The following RNF130 variants were observed in gnomAD, a reference collection of about 807,000 sequenced individuals.
RNF130 encodes the protein E3 ubiquitin-protein ligase RNF130.
In RNF130, 21 loss-of-function variants were observed where a neutral mutation model predicts 44.6. That is an observed-to-expected ratio of 0.47 (90% CI 0.33 to 0.68). The LOEUF is 0.68. RNF130 is among the 30% of genes least tolerant of loss of function. The pLI is 0.02. For missense variants in RNF130, 479 were observed against 560.6 expected (o/e 0.85, Z 1.47); for synonymous variants, 214 against 210.4 (o/e 1.02, Z -0.15).
intron 6 of RNF130, among the ~76,000 whole-genome samples, chr5:179,969,707 T>C (rs1582150349): frequency 6.6e-6 from 1 of 150,934 alleles, no homozygotes; most frequent in Middle Eastern, 3.4e-3. Context: ...CATAAAAAAG[T>C]GGCCAGGCAC....
intron 7 of RNF130, among the ~76,000 whole-genome samples, chr5:179,937,931 TGTGAGAGAGAGA>T (rs1561662752): frequency 1.5e-5 from 2 of 131,110 alleles, no homozygotes; most frequent in African/African-American, 3.1e-5. Context: ...TGTGTGTGTG[TGTGAGAGAGAGA>T]GAGAGAGAGA....
intron 3 of RNF130, among the ~76,000 whole-genome samples, chr5:179,988,345 C>A (rs1475787195): frequency 6.6e-6 from 1 of 152,120 alleles, no homozygotes; most frequent in Non-Finnish European, 1.5e-5. Flanking sequence ...TATTGAAAAA[C>A]CAAATTTCAT....
chr5:179,969,628 G>A (rs887670990), intron 6 of RNF130, among the ~76,000 whole-genome samples: 5 of 152,052 alleles, frequency 3.3e-5, no homozygotes, highest in Non-Finnish European at 5.9e-5. Flanking sequence ...AGCACTTTGG[G>A]AGGCTGAGGC....
At chr5:179,957,941 G>A (rs1762246047) in intron 8 of RNF130, among the ~76,000 whole-genome samples, 1 of 151,340 alleles carries the variant, frequency 6.6e-6, no homozygotes, top group African/African-American at 2.4e-5. Flanking sequence ...GCAGTGGCGG[G>A]ATCTCGGCTC....
chr5:180,009,790 C>A (rs1208706397), intron 3 of RNF130, among the ~76,000 whole-genome samples: 1 of 152,200 alleles, frequency 6.6e-6, no homozygotes, highest in Non-Finnish European at 1.5e-5. Context: ...TACACCAAAA[C>A]CTGTATGTGA....
intron 8 of RNF130, among the ~76,000 whole-genome samples, chr5:179,957,399 G>A (rs527779143): frequency 1.4e-4 from 21 of 152,296 alleles, no homozygotes; most frequent in African/African-American, 3.6e-4. Context: ...GTGAGAGAGC[G>A]AGACCCTGTC....
exon 8 of RNF130, chr5:179,918,962 G>C (rs1761589407): frequency 6.6e-6 from 1 of 152,244 alleles, no homozygotes; most frequent in Non-Finnish European, 1.5e-5. Flanking sequence ...TCCACAGTCA[G>C]TGAGAACAGG....
intron 1 of RNF130, among the ~76,000 whole-genome samples, chr5:180,048,945 C>T (rs1764629882): frequency 6.6e-6 from 1 of 152,202 alleles, no homozygotes; most frequent in Admixed American, 6.5e-5. Flanking sequence ...GTGCCCCACA[C>T]CCTCTTCTGG....
chr5:180,067,605 CAT>C (rs763510833), intron 1 of RNF130, among the ~76,000 whole-genome samples: 3 of 152,134 alleles, frequency 2.0e-5, no homozygotes, highest in Admixed American at 6.5e-5. Flanking sequence ...TATGTAAAAA[CAT>C]GTCATAAGCT....
At chr5:180,057,726 G>A (rs1434456827) in intron 1 of RNF130, among the ~76,000 whole-genome samples, 1 of 152,256 alleles carries the variant, frequency 6.6e-6, no homozygotes, top group East Asian at 1.9e-4. Flanking sequence ...CTCTCCATCC[G>A]GCTCTTAATT....
downstream of RNF130, among the ~76,000 whole-genome samples, chr5:179,950,172 G>T (rs1389729777): frequency 6.6e-6 from 1 of 152,024 alleles, no homozygotes; most frequent in African/African-American, 2.4e-5. Flanking sequence ...GAGTGAAATG[G>T]CATGATCTCA....
At chr5:179,998,859 TTA>T (rs61232613) in intron 3 of RNF130, among the ~76,000 whole-genome samples, 29,420 of 89,358 alleles carry the variant, frequency 0.33, 5,187 homozygotes, top group East Asian at 0.6. Context: ...CTAGTATTTT[TTA>T]TATATATATA....
Position 179,960,005 on chromosome 5 carries a change from C to G in RNF130, c.1244+3466G>C, listed in dbSNP as rs185161397. On this transcript the variant is annotated intron_variant, in intron 8 of 8. Coordinates refer to ENST00000521389, the MANE Select transcript of RNF130 (RefSeq NM_018434.6). ...AGGGGATACCTAGTCACGCCTCCCA[C>G]TAAACTTCAAATCTCTACTACACAT... Among the ~76,000 whole-genome samples the G allele has an allele frequency of 1.3e-4, 20 of 152,264 alleles. 1 individual carries two copies. The highest frequency in any genetic ancestry group is 1.2e-3 in the Admixed American group (19 of 15,298).
chr5:179,997,491 T>C (rs1366614685), intron 3 of RNF130, among the ~76,000 whole-genome samples: 1 of 151,924 alleles, frequency 6.6e-6, no homozygotes, highest in African/African-American at 2.4e-5. Flanking sequence ...ACCCGGCTAA[T>C]TTATTTATTA....
At chr5:179,998,914 G>GGT (rs1475324953) in intron 3 of RNF130, among the ~76,000 whole-genome samples, 1 of 122,292 alleles carries the variant, frequency 8.2e-6, no homozygotes, top group Non-Finnish European at 1.7e-5. Context: ...TCCAGTGTTG[G>GGT]GTGTATATAT....
intron 1 of RNF130, among the ~76,000 whole-genome samples, chr5:180,070,539 A>C (rs1361352025): frequency 3.9e-5 from 6 of 152,208 alleles, no homozygotes; most frequent in Non-Finnish European, 1.5e-5. Context: ...GGTCATCCTA[A>C]CATGAACAGC....
At chr5:179,987,299 C>T (rs572483247) in intron 3 of RNF130, among the ~76,000 whole-genome samples, 1 of 152,278 alleles carries the variant, frequency 6.6e-6, no homozygotes, top group Admixed American at 6.5e-5. Context: ...TCCTGAATAC[C>T]TGGGACTATA....
intron 1 of RNF130, among the ~76,000 whole-genome samples, chr5:180,054,378 C>A (rs1483886406): frequency 6.6e-6 from 1 of 152,292 alleles, no homozygotes; most frequent in Admixed American, 6.5e-5. Flanking sequence ...TGGCATGTCA[C>A]CCTCCAGGCC....
Position 180,050,587 on chromosome 5 carries a change from T to A in RNF130, c.248-9940A>T, listed in dbSNP as rs372698882. Among the ~76,000 whole-genome samples, 62 of 152,302 alleles carry A rather than the reference T, an allele frequency of 4.1e-4. 1 individual carries two copies. In the South Asian group the frequency reaches 0.013, roughly 31 times the overall value. ...TGAAACATAGAATTCACCATCACAG[T>A]CCTCCTCACAGCTCACTTTTTTCCT... On this transcript the variant is annotated intron_variant, in intron 1 of 8. Coordinates refer to ENST00000521389, the MANE Select transcript of RNF130 (RefSeq NM_018434.6).
Sources: allele counts gnomAD v4.1 joint callset (sites outside exome capture counted in the v4.1 genomes callset), GRCh38; gene constraint gnomAD v4.1.1; transcripts MANE v1.5; gene names NCBI Gene and HGNC (gene_info 2026-07-23, HGNC 2026-07-21).